The following STT3B variants were observed in gnomAD, a reference collection of about 807,000 sequenced individuals.
The protein encoded by STT3B is dolichyl-diphosphooligosaccharide--protein glycosyltransferase subunit STT3B.
In STT3B, 29 loss-of-function variants were observed where a neutral mutation model predicts 96.8. That is an observed-to-expected ratio of 0.30 (90% CI 0.22 to 0.41). The LOEUF (loss-of-function observed/expected upper bound fraction) is 0.41, where lower values mean the gene tolerates loss of function less well. Ranked by LOEUF, STT3B falls within the 10% of genes least tolerant of loss-of-function variation. STT3B has a pLI of 1.00. For synonymous variants in STT3B, 367 were observed against 360.0 expected, an observed-to-expected ratio of 1.02 and a Z score of -0.22; for missense variants, 640 against 1,022.3, an observed-to-expected ratio of 0.63 and a Z score of 5.10.
chr3:31,585,083 G>T (rs1030432532), intron 3 of STT3B, among the ~76,000 whole-genome samples: 1 of 151,986 alleles, frequency 6.6e-6, no homozygotes, highest in Non-Finnish European at 1.5e-5. Flanking sequence ...CTTTTAAAAG[G>T]TACATGTTTT....
In STT3B at chr3:31,563,565, T is replaced by TCTC. The variant is rs375505537; in HGVS notation, c.315-12831_315-12830insCTC. On this transcript the variant is annotated intron_variant, in intron 1 of 15. Transcript: ENST00000295770. Reference sequence around the variant, plus strand: ...ATGGCTATGGGGCCACTACTGTAGATTGAGAAGTGAAAGAAGGCCTTTCTG... The same window carrying TCTC: ...ATGGCTATGGGGCCACTACTGTAGATCTCTGAGAAGTGAAAGAAGGCCTTTCTG... 2.6e-3 allele frequency among the ~76,000 whole-genome samples: 398 copies of TCTC among 152,294 alleles called. 2 individuals carry two copies. The highest frequency in any genetic ancestry group is 4.2e-3 in the Non-Finnish European group (288 of 68,022).
intron 1 of STT3B, among the ~76,000 whole-genome samples, chr3:31,542,365 T>C (rs1379902318): frequency 3.3e-5 from 5 of 152,250 alleles, no homozygotes. Flanking sequence ...CTGTTTGCTG[T>C]ATTGATATAT....
In STT3B at chr3:31,546,419, A is replaced by G. The variant is rs572114146; in HGVS notation, c.314+13107A>G. The stretch of plus-strand genomic sequence containing the variant: ...CTCAGCTGGGGCTTTTGGCTCCTCC[A>G]TGTGACTGCTTAGTCTGCCTCAGCA... On this transcript the variant is annotated intron_variant, in intron 1 of 15. Coordinates refer to ENST00000295770, the MANE Select transcript of STT3B (RefSeq NM_178862.3). Among the ~76,000 whole-genome samples, 62 of 152,290 alleles carry G rather than the reference A, an allele frequency of 4.1e-4. 1 individual carries two copies. In the South Asian group the frequency reaches 0.011, roughly 28 times the overall value.
chr3:31,581,375 A>T (rs1227852742), intron 3 of STT3B, among the ~76,000 whole-genome samples: 1 of 152,182 alleles, frequency 6.6e-6, no homozygotes, highest in Non-Finnish European at 1.5e-5. Flanking sequence ...AACTATTTTA[A>T]TATTCTCTAC....
intron 5 of STT3B, among the ~76,000 whole-genome samples, chr3:31,601,073 GT>G (rs1698917836): frequency 6.6e-6 from 1 of 152,054 alleles, no homozygotes; most frequent in Admixed American, 6.5e-5. Context: ...TTATAATAAT[GT>G]TTTTGGAAAA....
intron 1 of STT3B, among the ~76,000 whole-genome samples, chr3:31,566,451 G>A (rs143038940): frequency 0.014 from 2,082 of 152,238 alleles, 28 homozygotes; most frequent in Non-Finnish European, 0.019. Flanking sequence ...ATGAAAAATA[G>A]GATCATAGTG....
chr3:31,533,256 C>A lies in STT3B; in HGVS notation c.258C>A (p.Ser86Arg). The A allele has an allele frequency of 6.6e-7, 1 of 1,519,028 alleles. No individual in the cohort carries two copies. Among genetic ancestry groups the A allele is most frequent in the Non-Finnish European group, 8.8e-7 (1 of 1,133,758 alleles). 94.1% of individuals were successfully genotyped at this position (1,519,028 alleles called of 1,614,324 possible). ...TCCTGGCCTGGCTTGCCGGCTTCAG[C>A]TCGCGCCTCTTCGCCGTCATCCGCT... is the stretch of plus-strand genomic sequence containing the variant. ...ILFLAWLAGF[S>R]SRLFAVIRFE... The change falls in exon 1 of 16, where the codon AGC (serine) becomes AGA (arginine). Residue 86 changes from serine to arginine, a missense_variant. By Grantham distance (110) the Ser-to-Arg change is moderately radical (BLOSUM62 -1). Around this residue, in one of 8 missense-constraint regions of STT3B, gnomAD observed 267 missense variants for 388.3 expected, o/e 0.69. Transcript: ENST00000295770.
intron 1 of STT3B, among the ~76,000 whole-genome samples, chr3:31,550,948 G>A (rs542191779): frequency 9.2e-5 from 14 of 152,218 alleles, no homozygotes; most frequent in African/African-American, 2.9e-4. Context: ...TACCTTGGTT[G>A]TTCTCTGTCC....
intron 5 of STT3B, among the ~76,000 whole-genome samples, chr3:31,607,136 G>A (rs1222899056): frequency 6.6e-6 from 1 of 152,118 alleles, no homozygotes; most frequent in Non-Finnish European, 1.5e-5. Context: ...TAACTAACTT[G>A]CTTTTGATTT....
chr3:31,600,711 C>T (rs1398953015), intron 5 of STT3B, among the ~76,000 whole-genome samples: 1 of 151,644 alleles, frequency 6.6e-6, no homozygotes, highest in East Asian at 1.9e-4. Context: ...ACACTTTTTC[C>T]TCCTCTTAAT....
chr3:31,575,181 C>T (rs73824189), intron 1 of STT3B, among the ~76,000 whole-genome samples: 7,666 of 152,080 alleles, frequency 0.05, 668 homozygotes, highest in African/African-American at 0.17. Flanking sequence ...ATGCAGAGAA[C>T]ATAAGTAACT....
At chr3:31,597,845 T>TA (rs1227763182) in intron 4 of STT3B, among the ~76,000 whole-genome samples, 1 of 150,782 alleles carries the variant, frequency 6.6e-6, no homozygotes, top group East Asian at 1.9e-4. Context: ...TTATTATTAT[T>TA]TTTTTTTTGA....
In STT3B at chr3:31,632,763, A is replaced by G. The variant is rs117069420; in HGVS notation, c.2188-172A>G. ...GATGTACTTAGTTTCTCTCTTCCTG[A>G]TTTTTTCCTGTCTAGTTAGCAATAC... On this transcript the variant is annotated intron_variant, in intron 14 of 15. Coordinates refer to ENST00000295770, the MANE Select transcript of STT3B (RefSeq NM_178862.3). Among the ~76,000 whole-genome samples, 65 of 146,882 alleles carry G rather than the reference A, an allele frequency of 4.4e-4. No individual in the cohort carries two copies. In the East Asian group the frequency reaches 0.011, roughly 26 times the overall value.
At chr3:31,538,133 C>T (rs907073617) in intron 1 of STT3B, among the ~76,000 whole-genome samples, 2 of 152,040 alleles carry the variant, frequency 1.3e-5, no homozygotes, top group African/African-American at 4.8e-5. Flanking sequence ...ACTCTAACCA[C>T]CTAGATTCTA....
At chr3:31,599,863 A>G (rs1698889522) in intron 4 of STT3B, among the ~76,000 whole-genome samples, 1 of 152,156 alleles carries the variant, frequency 6.6e-6, no homozygotes, top group South Asian at 2.1e-4. Flanking sequence ...CCCAACTAGC[A>G]CTTTTAGTTT....
At chr3:31,627,832 T>G (rs1174954637) in intron 13 of STT3B, among the ~76,000 whole-genome samples, 1 of 152,210 alleles carries the variant, frequency 6.6e-6, no homozygotes. Flanking sequence ...GCTTTGAACA[T>G]TAATATTACA....
intron 1 of STT3B, among the ~76,000 whole-genome samples, chr3:31,564,749 G>T (rs1432302674): frequency 3.3e-5 from 5 of 152,092 alleles, no homozygotes; most frequent in Non-Finnish European, 4.4e-5. Context: ...AGTTCATCAG[G>T]GTTACGTATA....
At position 31,579,822 on chromosome 3, in the gene STT3B, T is replaced by C. The variant is rs1698344717; in HGVS notation, c.437T>C (p.Leu146Ser). 4 of 1,611,720 alleles carry C rather than the reference T, an allele frequency of 2.5e-6. No individual in the cohort carries two copies. The highest frequency in any genetic ancestry group is 3.4e-6 in the Non-Finnish European group (4 of 1,178,460). ...TTTTCTTCCTAGGTTTACCCAGGGT[T>C]GATGATAACCGCTGGCCTTATTCAT... ...RIVGGTVYPG[L>S]MITAGLIHWI... Residue 146 changes from leucine (L) to serine (S), a missense_variant, in exon 3 of 16, where the codon TTG becomes TCG. Leu to Ser is a moderately radical substitution (Grantham distance 145, BLOSUM62 -2). This residue lies in a region of STT3B where 267 missense variants were observed against 388.3 expected (regional missense o/e 0.69). Coordinates refer to ENST00000295770, the MANE Select transcript of STT3B (RefSeq NM_178862.3).
chr3:31,577,743 T>C (rs1408102388), intron 2 of STT3B, among the ~76,000 whole-genome samples: 2 of 152,150 alleles, frequency 1.3e-5, no homozygotes, highest in African/African-American at 2.4e-5. Flanking sequence ...CAATAGTCGT[T>C]ATCATGTTCT....
Sources: gnomAD v4.1 joint callset for allele counts (sites outside exome capture counted in the v4.1 genomes callset) on GRCh38, gnomAD v4.1.1 for gene constraint, gnomAD v4.1.1 regional missense constraint, MANE v1.5 for transcripts, NCBI Gene and HGNC (gene_info 2026-07-23, HGNC 2026-07-21) for gene names.